The following ATXN7 variants were observed in gnomAD, a reference collection of about 807,000 sequenced individuals.
ATXN7 encodes the protein ataxin 7, also known as ataxin-7.
In ATXN7, 12 loss-of-function variants were observed where a neutral mutation model predicts 70.5. That is an observed-to-expected ratio of 0.17 (90% confidence interval 0.11 to 0.28). The LOEUF (loss-of-function observed/expected upper bound fraction) is 0.28, where lower values mean the gene tolerates loss of function less well. ATXN7 is among the 10% of genes least tolerant of loss of function. ATXN7 has a pLI of 1.00. For synonymous variants in ATXN7, 498 were observed against 448.7 expected, an observed-to-expected ratio of 1.11 and a Z score of -1.39; for missense variants, 1,256 against 1,131.7, an observed-to-expected ratio of 1.11 and a Z score of -1.58.
chr3:63,931,858 A>G (rs2074551592), intron 4 of ATXN7, among the ~76,000 whole-genome samples: 1 of 152,210 alleles, frequency 6.6e-6, no homozygotes, highest in African/African-American at 2.4e-5. Context: ...GTCAAAGGAA[A>G]GAGAAGCCTG....
chr3:63,961,165 TA>T (rs971396135), intron 5 of ATXN7, among the ~76,000 whole-genome samples: 5 of 152,274 alleles, frequency 3.3e-5, no homozygotes, highest in African/African-American at 1.2e-4. Context: ...GACAAAGTAA[TA>T]TTTACCAATG....
At chr3:63,910,413 C>T (rs998346435) in intron 2 of ATXN7, among the ~76,000 whole-genome samples, 1 of 152,104 alleles carries the variant, frequency 6.6e-6, no homozygotes, top group Non-Finnish European at 1.5e-5. Flanking sequence ...TCCAAATTTT[C>T]GTTTTTCTTA....
At position 63,995,691 on chromosome 3, in the gene ATXN7, C is replaced by G. The variant is rs1576005264; in HGVS notation, c.1869C>G (p.Thr623=). Residue 623 remains threonine, a synonymous_variant, in exon 12 of 13, where the codon ACC becomes ACG. Coordinates refer to ENST00000674280, the MANE Select transcript of ATXN7 (RefSeq NM_001377405.1). The part of the protein sequence containing the change: ...PNSKSVPAHG[T]TLNAQPAASG... Reference sequence around the variant, plus strand: ...GCAAATCGGTACCAGCTCATGGAACCACACTAAATGCACAGCCTGCTGCTT... The same window carrying G: ...GCAAATCGGTACCAGCTCATGGAACGACACTAAATGCACAGCCTGCTGCTT... 1 of 1,614,232 alleles carries G rather than the reference C, an allele frequency of 6.2e-7. No individual in the cohort carries two copies. Among genetic ancestry groups the G allele is most frequent in the South Asian group, 1.1e-5 (1 of 91,082 alleles).
intron 4 of ATXN7, among the ~76,000 whole-genome samples, chr3:63,929,270 T>G (rs1704840769): frequency 1.0e-5 from 1 of 99,546 alleles, no homozygotes; most frequent in Admixed American, 1.1e-4. Flanking sequence ...TCTCTCTCTC[T>G]TTTTTTTTTT....
chr3:63,870,850 A>G (rs147798023), intron 1 of ATXN7, among the ~76,000 whole-genome samples: 1 of 152,312 alleles, frequency 6.6e-6, no homozygotes, highest in East Asian at 1.9e-4. Flanking sequence ...TAAAGCACAC[A>G]AAAATTCCTC....
chr3:63,876,357 A>G (rs1702750071), intron 1 of ATXN7, among the ~76,000 whole-genome samples: 1 of 152,070 alleles, frequency 6.6e-6, no homozygotes, highest in Non-Finnish European at 1.5e-5. Flanking sequence ...TCCACTCCGT[A>G]CCCTGTTTAT....
chr3:63,937,579 A>G (rs539338310), intron 4 of ATXN7, among the ~76,000 whole-genome samples: 29 of 152,364 alleles, frequency 1.9e-4, no homozygotes, highest in Non-Finnish European at 3.5e-4. Flanking sequence ...TAAAGTAAAC[A>G]GTATTTGTAA....
intron 5 of ATXN7, among the ~76,000 whole-genome samples, chr3:63,978,413 A>T (rs956555190): frequency 6.6e-6 from 1 of 152,240 alleles, no homozygotes; most frequent in East Asian, 1.9e-4. Context: ...CGTCTAAGGC[A>T]GGTGACAAAA....
intron 5 of ATXN7, among the ~76,000 whole-genome samples, chr3:63,975,341 T>TAGA (rs2106737530): frequency 6.6e-6 from 1 of 152,332 alleles, no homozygotes; most frequent in South Asian, 2.1e-4. Flanking sequence ...TTTTCTTCTT[T>TAGA]AGAAGTATGT....
At position 63,912,589 on chromosome 3, in the gene ATXN7, A is replaced by G; in HGVS notation, c.-10A>G. The G allele has an allele frequency of 9.0e-7, 1 of 1,106,498 alleles. No individual in the cohort carries two copies. Among genetic ancestry groups the G allele is most frequent in the South Asian group, 2.4e-5 (1 of 41,176 alleles). The allele number at this position is 1,106,498 out of a possible 1,614,324, so 68.5% of individuals were successfully genotyped here. A position where few individuals can be genotyped will look rare whatever the true frequency, so the allele number is the denominator to read the frequency against. On this transcript the variant is annotated splice_region_variant and 5_prime_UTR_variant, in exon 3 of 13. Coordinates refer to ENST00000674280, the MANE Select transcript of ATXN7 (RefSeq NM_001377405.1). ...CCCCTTTTTTTTGTTACATTGTAGG[A>G]GCGGAAAGAATGTCGGAGCGGGCCG...
chr3:63,879,933 A>G (rs911108314), intron 1 of ATXN7, among the ~76,000 whole-genome samples: 3 of 151,864 alleles, frequency 2.0e-5, no homozygotes, highest in Admixed American at 6.6e-5. Flanking sequence ...AAAAATACAA[A>G]AAATTAGCCG....
intron 5 of ATXN7, among the ~76,000 whole-genome samples, chr3:63,954,903 T>G (rs2075016700): frequency 6.6e-6 from 1 of 152,088 alleles, no homozygotes; most frequent in African/African-American, 2.4e-5. Flanking sequence ...GAAATGGCGT[T>G]TCACCATGTT....
chr3:63,931,700 A>AC (rs1415160219), intron 4 of ATXN7, among the ~76,000 whole-genome samples: 6 of 152,062 alleles, frequency 3.9e-5, no homozygotes, highest in African/African-American at 1.5e-4. Context: ...CTTTGTCTCC[A>AC]CCCATACCCT....
At chr3:63,967,897 A>G (rs1414815482) in intron 5 of ATXN7, 1 of 1,535,984 alleles carries the variant, frequency 6.5e-7, no homozygotes, top group Admixed American at 2.0e-5. Context: ...AATGAAGCAC[A>G]ACCAAATTCT....
In ATXN7 at chr3:64,002,770, G is replaced by A. The variant is rs2075847602; in HGVS notation, c.*3303G>A. 6.6e-6 allele frequency: 1 copy of A among 152,096 alleles called. No individual in the cohort carries two copies. 9.4% of individuals were successfully genotyped at this position (152,096 alleles called of 1,614,324 possible). A position where few individuals can be genotyped will look rare whatever the true frequency, so the allele number is the denominator to read the frequency against. On this transcript the variant is annotated 3_prime_UTR_variant, in exon 13 of 13. Coordinates refer to ENST00000674280, the MANE Select transcript of ATXN7 (RefSeq NM_001377405.1). Reference sequence around the variant, plus strand: ...TAAAATTAAGACCTCTTGGTTCATAGTAATTCAATTGGTGATGGATTGCCT... The same window carrying A: ...TAAAATTAAGACCTCTTGGTTCATAATAATTCAATTGGTGATGGATTGCCT...
intron 2 of ATXN7, among the ~76,000 whole-genome samples, chr3:63,910,825 AATGTGTGTGTGTGTGTGTATGTGTAAGT>A (rs1211566914): frequency 3.9e-5 from 6 of 151,928 alleles, no homozygotes; most frequent in Non-Finnish European, 8.8e-5. Flanking sequence ...CTAAAATAAA[AATGTGTGTGTGTGTGTGTATGTGTAAGT>A]ATGTGTGTGT....
chr3:63,984,106 A>G (rs2075533082), intron 8 of ATXN7, among the ~76,000 whole-genome samples: 1 of 152,018 alleles, frequency 6.6e-6, no homozygotes, highest in Non-Finnish European at 1.5e-5. Context: ...TCTTACTTTA[A>G]GCTTCTAATT....
At chr3:63,998,208 G>GT in intron 12 of ATXN7, 1 of 920,988 alleles carries the variant, frequency 1.1e-6, no homozygotes, top group South Asian at 5.3e-5. Context: ...GAAGGGGGGG[G>GT]GGCCAGGTGG....
intron 2 of ATXN7, among the ~76,000 whole-genome samples, chr3:63,900,306 T>G (rs941242944): frequency 9.2e-5 from 14 of 152,146 alleles, no homozygotes; most frequent in African/African-American, 3.4e-4. Context: ...GTAGCAAAAA[T>G]GGTAGCATTT....
Sources: gnomAD v4.1 joint callset for allele counts (sites outside exome capture counted in the v4.1 genomes callset) on GRCh38, gnomAD v4.1.1 for gene constraint, MANE v1.5 for transcripts, NCBI Gene and HGNC (gene_info 2026-07-23, HGNC 2026-07-21) for gene names.